NTM: variants seen among roughly 807,000 people sequenced by gnomAD.
The protein encoded by NTM is IgLON family member 2.
NTM carries 13 observed loss-of-function variants against 42.1 expected under a neutral mutation model. That is an observed-to-expected ratio of 0.31 (90% CI 0.20 to 0.49). NTM has a LOEUF of 0.49. Among genes scored for constraint, NTM ranks in the 20% least tolerant of loss-of-function variants. The pLI is 0.99. For synonymous variants in NTM, 187 were observed against 179.2 expected (o/e 1.04, Z -0.35); for missense variants, 373 against 452.8 (o/e 0.82, Z 1.60).
chr11:131,647,986 C>T (rs1018192840), intron 1 of NTM, among the ~76,000 whole-genome samples: 1 of 152,090 alleles, frequency 6.6e-6, no homozygotes, highest in Non-Finnish European at 1.5e-5. Flanking sequence ...TAGTTATTTT[C>T]TTCTGCTCCT....
In NTM at chr11:131,489,462, C is replaced by T. The variant is rs923159583; in HGVS notation, c.82+118574C>T. Among the ~76,000 whole-genome samples the T allele has an allele frequency of 1.1e-4, 16 of 152,360 alleles. No individual in the cohort carries two copies. The South Asian group carries it at 3.3e-3, about 32-fold the overall frequency. On this transcript the variant is annotated intron_variant, in intron 1 of 8. Transcript: ENST00000683400. ...CTAGCATAATTCTTTCAGCAACTAACCTCTCGCTACTTTGCGTGTGTAAAG... is the reference window on the plus strand; with the variant it reads ...CTAGCATAATTCTTTCAGCAACTAATCTCTCGCTACTTTGCGTGTGTAAAG...
chr11:131,705,429 C>G lies in NTM; in HGVS notation c.83-206135C>G, dbSNP rs145363577. The stretch of plus-strand genomic sequence containing the variant: ...AAAGACTTACCCAGACAAATGAAAG[C>G]TGAGGGCACTCAACACCACTAGATT... On this transcript the variant is annotated intron_variant, in intron 1 of 8. Coordinates refer to ENST00000683400, the MANE Select transcript of NTM (RefSeq NM_001352005.2). Among the ~76,000 whole-genome samples the G allele has an allele frequency of 2.4e-3, 363 of 152,226 alleles. 1 individual carries two copies. Among genetic ancestry groups the G allele is most frequent in the African/African-American group, 8.1e-3 (337 of 41,566 alleles).
At chr11:131,950,005 C>T (rs189570124) in intron 2 of NTM, among the ~76,000 whole-genome samples, 2 of 152,286 alleles carry the variant, frequency 1.3e-5, no homozygotes, top group African/African-American at 4.8e-5. Flanking sequence ...TGTTTTGTTT[C>T]CTTCCCTATC....
At chr11:132,315,249 GC>G (rs2095397553) in intron 7 of NTM, among the ~76,000 whole-genome samples, 1 of 152,132 alleles carries the variant, frequency 6.6e-6, no homozygotes, top group Non-Finnish European at 1.5e-5. Context: ...GACATGAAGA[GC>G]CCCACCTTCG....
chr11:132,290,180 TA>T (rs1166963678), intron 4 of NTM, among the ~76,000 whole-genome samples: 2 of 152,244 alleles, frequency 1.3e-5, no homozygotes, highest in African/African-American at 4.8e-5. Context: ...AAGATGTAGT[TA>T]CCCCATAATA....
At chr11:131,572,451 T>G (rs78585983) in intron 1 of NTM, among the ~76,000 whole-genome samples, 2,200 of 152,308 alleles carry the variant, frequency 0.014, 56 homozygotes, top group African/African-American at 0.049. Context: ...CCATCCAGGC[T>G]GGATGTTACC....
At chr11:132,227,562 T>C (rs571066307) in intron 4 of NTM, among the ~76,000 whole-genome samples, 1 of 152,264 alleles carries the variant, frequency 6.6e-6, no homozygotes, top group South Asian at 2.1e-4. Context: ...TGCGGTGTAA[T>C]TACTTGTCTC....
intron 7 of NTM, among the ~76,000 whole-genome samples, chr11:132,321,233 A>G (rs2095561642): frequency 6.6e-6 from 1 of 152,210 alleles, no homozygotes; most frequent in African/African-American, 2.4e-5. Context: ...GCTCTGAGCT[A>G]CGGGAGGACA....
chr11:132,240,195 G>C (rs1362570009), intron 4 of NTM, among the ~76,000 whole-genome samples: 1 of 152,192 alleles, frequency 6.6e-6, no homozygotes, highest in African/African-American at 2.4e-5. Context: ...TGTCTTTGGG[G>C]ATTTCATAAT....
chr11:131,556,259 C>A (rs1204460993), intron 1 of NTM, among the ~76,000 whole-genome samples: 1 of 152,174 alleles, frequency 6.6e-6, no homozygotes, highest in Admixed American at 6.5e-5. Flanking sequence ...CTGGAAGTTA[C>A]AACTACCTCT....
intron 1 of NTM, among the ~76,000 whole-genome samples, chr11:131,723,914 C>T (rs1259636107): frequency 6.6e-6 from 1 of 152,174 alleles, no homozygotes; most frequent in Non-Finnish European, 1.5e-5. Context: ...GATATTGCGT[C>T]TATCTGCTAA....
intron 1 of NTM, among the ~76,000 whole-genome samples, chr11:131,830,031 A>AT (rs1276940620): frequency 1.3e-5 from 2 of 151,918 alleles, no homozygotes; most frequent in Non-Finnish European, 2.9e-5. Context: ...AAATGGGGTT[A>AT]TTTTTTGCTT....
intron 2 of NTM, among the ~76,000 whole-genome samples, chr11:132,086,053 G>A (rs545050809): frequency 2.1e-4 from 32 of 152,192 alleles, no homozygotes; most frequent in African/African-American, 5.3e-4. Context: ...GGCAGGGCAC[G>A]GTGGCTCACG....
intron 4 of NTM, chr11:132,306,182 A>G (rs2095073220): frequency 6.6e-6 from 1 of 152,110 alleles, no homozygotes; most frequent in Non-Finnish European, 1.5e-5. Flanking sequence ...TGCTGTTGTT[A>G]TTGTTATTGT....
At chr11:131,988,901 G>A (rs1345098181) in intron 2 of NTM, among the ~76,000 whole-genome samples, 1 of 152,048 alleles carries the variant, frequency 6.6e-6, no homozygotes, top group Non-Finnish European at 1.5e-5. Context: ...CTATAGTAGT[G>A]AGCTCATATT....
In NTM at chr11:132,135,026, C is replaced by T. The variant is rs191887775; in HGVS notation, c.168-11256C>T. ...TAGTTTACTGTCCACATGCTCCTGC[C>T]ACCCACTGAACTCCCCAAATCCTCC... On this transcript the variant is annotated intron_variant, in intron 2 of 8. Transcript: ENST00000683400. Among the ~76,000 whole-genome samples, 9 of 152,028 alleles carry T rather than the reference C, an allele frequency of 5.9e-5. No homozygotes were observed. The East Asian group carries it at 1.7e-3, about 30-fold the overall frequency.
chr11:132,307,981 A>T lies in NTM; in HGVS notation c.661+158A>T, dbSNP rs183116160. Among the ~76,000 whole-genome samples the T allele has an allele frequency of 5.8e-4, 88 of 152,274 alleles. 1 individual carries two copies. The highest frequency in any genetic ancestry group is 1.5e-3 in the East Asian group (8 of 5,182). On this transcript the variant is annotated intron_variant, in intron 5 of 8. Coordinates refer to ENST00000683400, the MANE Select transcript of NTM (RefSeq NM_001352005.2). The stretch of plus-strand genomic sequence containing the variant: ...CTGCTTTCAGGAGCAAACATTTCAA[A>T]CTCGAGTTTTTGACACTTCAAGGTG...
intron 4 of NTM, among the ~76,000 whole-genome samples, chr11:132,213,559 C>T (rs953213500): frequency 2.0e-5 from 3 of 152,018 alleles, no homozygotes; most frequent in African/African-American, 7.2e-5. Flanking sequence ...CTGTGCATGA[C>T]AGTGTCCACT....
intron 4 of NTM, among the ~76,000 whole-genome samples, chr11:132,233,294 C>T (rs1189964258): frequency 6.6e-6 from 1 of 152,128 alleles, no homozygotes; most frequent in Non-Finnish European, 1.5e-5. Flanking sequence ...GTGGTACACA[C>T]CTGTAATTCT....
Sources: allele counts gnomAD v4.1 joint callset (sites outside exome capture counted in the v4.1 genomes callset), GRCh38; gene constraint gnomAD v4.1.1; transcripts MANE v1.5; gene names NCBI Gene and HGNC (gene_info 2026-07-23, HGNC 2026-07-21).